CDH23: variants seen among roughly 807,000 people sequenced by gnomAD.
The protein encoded by CDH23 is cadherin related 23.
In CDH23, 189 loss-of-function variants were observed where a neutral mutation model predicts 317.1. The observed-to-expected ratio is 0.60, with a 90% CI of 0.53 to 0.67. The LOEUF is 0.67. Ranked by LOEUF, CDH23 falls within the 30% of genes least tolerant of loss-of-function variation. CDH23 has a pLI of 0.00. For synonymous variants in CDH23, 1,839 were observed against 1,876.8 expected, an observed-to-expected ratio of 0.98 and a Z score of 0.52; for missense variants, 4,401 against 4,592.4, an observed-to-expected ratio of 0.96 and a Z score of 1.20.
chr10:71,569,143 G>T (rs1589218182), intron 7 of CDH23, among the ~76,000 whole-genome samples: 1 of 152,214 alleles, frequency 6.6e-6, no homozygotes, highest in Non-Finnish European at 1.5e-5. Flanking sequence ...CCCAGTCCTG[G>T]AGCCTGGGAG....
intron 38 of CDH23, chr10:71,750,968 C>A: frequency 2.4e-6 from 1 of 410,602 alleles, no homozygotes; most frequent in South Asian, 4.7e-5. Context: ...TCTGAGACTT[C>A]TTAAGATGTA....
intron 1 of CDH23, among the ~76,000 whole-genome samples, chr10:71,403,434 TTCCTTCCTTCCTTCCTTCCTTTCC>T (rs1847926690): frequency 1.3e-5 from 1 of 78,102 alleles, no homozygotes; most frequent in African/African-American, 8.3e-5. Context: ...CCTTCCTTCC[TTCCTTCCTTCCTTCCTTCCTTTCC>T]TTCCTTCCTT....
intron 3 of CDH23, among the ~76,000 whole-genome samples, chr10:71,482,288 T>C (rs1318687192): frequency 6.6e-6 from 1 of 152,200 alleles, no homozygotes; most frequent in Non-Finnish European, 1.5e-5. Flanking sequence ...CCTTTGCATT[T>C]CTTTATTCCC....
intron 9 of CDH23, among the ~76,000 whole-genome samples, chr10:71,584,577 C>G (rs897621796): frequency 2.1e-5 from 1 of 47,696 alleles, no homozygotes; most frequent in Admixed American, 1.9e-4. Context: ...TGTGTGTGTA[C>G]GCAGGGAGAA....
chr10:71,785,135 G>C (rs1480033028), intron 43 of CDH23, 35 bp downstream of exon 43: 7 of 1,572,764 alleles, frequency 4.5e-6, no homozygotes, highest in Non-Finnish European at 5.2e-6. Flanking sequence ...AGCTTCCCAG[G>C]GTTTCCAGTG....
chr10:71,748,968 G>A (rs1839923343), intron 38 of CDH23: 1 of 152,682 alleles, frequency 6.5e-6, no homozygotes, highest in African/African-American at 2.4e-5. Flanking sequence ...TTGTAAAAGG[G>A]TCCAGAGAAG....
In CDH23 at chr10:71,784,207, G is replaced by A. The variant is rs187306176; in HGVS notation, c.5369-80G>A. The A allele has an allele frequency of 3.7e-5, 54 of 1,477,516 alleles. No homozygotes were observed. The African/African-American group carries it at 6.4e-4, about 18-fold the overall frequency. The allele number at this position is 1,477,516 out of a possible 1,614,324, so 91.5% of individuals were successfully genotyped here. ...CACCTGTGACGAGTGAGGCTTGCTAGAGGAAGCAGAAGGAGTCCTGGGGTC... is the reference window on the plus strand; with the variant it reads ...CACCTGTGACGAGTGAGGCTTGCTAAAGGAAGCAGAAGGAGTCCTGGGGTC... On this transcript the variant is annotated intron_variant, in intron 41 of 69. Transcript: ENST00000224721.
At chr10:71,493,299 A>T (rs928328840) in intron 3 of CDH23, among the ~76,000 whole-genome samples, 8 of 152,166 alleles carry the variant, frequency 5.3e-5, no homozygotes, top group Admixed American at 2.6e-4. Context: ...TTCCCCACCC[A>T]TGAGGTGGTG....
At chr10:71,600,515 T>C (rs1202995745) in intron 9 of CDH23, among the ~76,000 whole-genome samples, 1 of 113,436 alleles carries the variant, frequency 8.8e-6, no homozygotes, top group East Asian at 3.2e-4. Flanking sequence ...ACCGCAGAAC[T>C]TTTTTTTTTT....
intron 38 of CDH23, chr10:71,752,077 C>A: frequency 1.4e-6 from 1 of 697,178 alleles, no homozygotes; most frequent in Non-Finnish European, 2.6e-6. Context: ...CATCAGGGCC[C>A]ACCAGAACAG....
chr10:71,646,123 AAG>A, intron 13 of CDH23, 143 bp downstream of exon 13: 6 of 1,127,182 alleles, frequency 5.3e-6, no homozygotes, highest in Non-Finnish European at 6.2e-6. Flanking sequence ...TAAGCCCTCC[AAG>A]AGACGGCAGG....
intron 22 of CDH23, among the ~76,000 whole-genome samples, chr10:71,697,238 T>G (rs1865425469): frequency 6.6e-6 from 1 of 152,194 alleles, no homozygotes; most frequent in African/African-American, 2.4e-5. Flanking sequence ...CCACATGTCC[T>G]TCTGAGCCAT....
intron 60 of CDH23, among the ~76,000 whole-genome samples, chr10:71,808,225 TTCTC>T (rs769158236): frequency 8.7e-4 from 133 of 152,164 alleles, no homozygotes; most frequent in Admixed American, 3.2e-3. Context: ...TTTCTTTTCA[TTCTC>T]TCTTCTTTTC....
rs1840864618 is a variant in CDH23, at chr10:71,778,272, C to T, written c.5151C>T (p.Cys1717=). ...YTLIVTATDQ[C]PILSHRLTST... ...TGATCGTCACTGCCACAGACCAGTG[C>T]CCCATCTTATCCCACCGCCTCACCT... Residue 1717 remains cysteine, a synonymous_variant, in exon 40 of 70, where the codon TGC becomes TGT. Coordinates refer to ENST00000224721, the MANE Select transcript of CDH23 (RefSeq NM_022124.6). 1.9e-6 allele frequency: 3 copies of T among 1,613,948 alleles called. No homozygotes were observed. The highest frequency in any genetic ancestry group is 1.7e-6 in the Non-Finnish European group (2 of 1,179,886).
chr10:71,402,091 G>C (rs1051431655), intron 1 of CDH23, among the ~76,000 whole-genome samples: 11 of 152,176 alleles, frequency 7.2e-5, no homozygotes, highest in African/African-American at 2.4e-4. Flanking sequence ...GGTGAGTGGG[G>C]TGGGCCGCTG....
chr10:71,578,257 C>T (rs142114194), intron 9 of CDH23, among the ~76,000 whole-genome samples: 272 of 152,230 alleles, frequency 1.8e-3, no homozygotes, highest in Admixed American at 2.7e-3. Context: ...GGGGTGGGCG[C>T]GTGTGCCGCT....
chr10:71,480,160 A>T (rs1047877363), intron 3 of CDH23, among the ~76,000 whole-genome samples: 8 of 152,188 alleles, frequency 5.3e-5, no homozygotes, highest in African/African-American at 1.9e-4. Flanking sequence ...CATTGGCCAG[A>T]CCTAGTGCAT....
Position 71,738,637 on chromosome 10 carries a change from G to T in CDH23, c.4349G>T (p.Ser1450Ile). The T allele has an allele frequency of 1.2e-6, 2 of 1,613,100 alleles. No homozygotes were observed. Among genetic ancestry groups the T allele is most frequent in the Non-Finnish European group, 1.7e-6 (2 of 1,179,666 alleles). ...TVKAWDPDAG[S>I]NGQVVFSLAS... is the part of the protein sequence containing the mutation. ...AAGGCCTGGGACCCTGATGCTGGCA[G>T]CAATGGGCAGGTGGGCCACCGAGTG... The change falls in exon 35 of 70, where the codon AGC (serine) becomes ATC (isoleucine). Residue 1450 changes from serine to isoleucine, a missense_variant. By Grantham distance (142) the Ser-to-Ile change is moderately radical (BLOSUM62 -2). Transcript: ENST00000224721.
intron 38 of CDH23, among the ~76,000 whole-genome samples, chr10:71,767,880 T>C (rs1840591496): frequency 6.6e-6 from 1 of 152,212 alleles, no homozygotes; most frequent in African/African-American, 2.4e-5. Context: ...AAAGCCTCCG[T>C]GCATCCGGGG....
Sources: allele counts gnomAD v4.1 joint callset (sites outside exome capture counted in the v4.1 genomes callset), GRCh38; gene constraint gnomAD v4.1.1; transcripts MANE v1.5; gene names NCBI Gene and HGNC (gene_info 2026-07-23, HGNC 2026-07-21).